Variants in SLCO1A2 observed in about 807,000 individuals in gnomAD.
SLCO1A2 encodes the protein OATP-1.
A neutral mutation model predicts 69.0 loss-of-function variants in SLCO1A2; 67 were observed. The observed-to-expected ratio is 0.97, with a 90% CI of 0.80 to 1.19. SLCO1A2 has a LOEUF of 1.19. Ranked by LOEUF, SLCO1A2 falls within the 50% of genes most tolerant of loss-of-function variation. The pLI is 0.00. For missense variants in SLCO1A2, 787 were observed against 793.7 expected (o/e 0.99, Z 0.10); for synonymous variants, 260 against 265.9 (o/e 0.98, Z 0.22).
At chr12:21,328,686 A>C (rs1251220601) in intron 2 of SLCO1A2, among the ~76,000 whole-genome samples, 1 of 152,088 alleles carries the variant, frequency 6.6e-6, no homozygotes, top group African/African-American at 2.4e-5. Context: ...CTGAACTACC[A>C]TTGGCCTTTG....
chr12:21,338,908 A>T (rs73069056), upstream of SLCO1A2, among the ~76,000 whole-genome samples: 1,329 of 152,096 alleles, frequency 8.7e-3, 7 homozygotes, highest in Middle Eastern at 0.02. Flanking sequence ...AAATTTATGT[A>T]GGGAGGCAGC....
intron 7 of SLCO1A2, 87 bp from the exon 8 acceptor site, chr12:21,300,656 G>C: frequency 9.3e-7 from 1 of 1,071,904 alleles, no homozygotes; most frequent in Non-Finnish European, 1.3e-6. Flanking sequence ...GAATTATCGG[G>C]TCCCAACCAA....
intron 2 of SLCO1A2, among the ~76,000 whole-genome samples, chr12:21,348,069 T>G (rs1398996672): frequency 6.6e-6 from 1 of 152,200 alleles, no homozygotes; most frequent in African/African-American, 2.4e-5. Context: ...TTTTCCATAT[T>G]TTAGCAATAG....
intron 1 of SLCO1A2, among the ~76,000 whole-genome samples, chr12:21,387,854 TAAAATCAGCC>T (rs1272098037): frequency 1.3e-5 from 2 of 152,018 alleles, no homozygotes; most frequent in Non-Finnish European, 2.9e-5. Flanking sequence ...CACCAGCCCA[TAAAATCAGCC>T]AGAAAGAGCA....
chr12:21,336,660 C>A (rs1157373561), upstream of SLCO1A2, among the ~76,000 whole-genome samples: 1 of 151,934 alleles, frequency 6.6e-6, no homozygotes, highest in Non-Finnish European at 1.5e-5. Flanking sequence ...AAATCTATTC[C>A]ATTTATTCAA....
chr12:21,394,247 T>G (rs1205404314), intron 1 of SLCO1A2, among the ~76,000 whole-genome samples: 1 of 152,100 alleles, frequency 6.6e-6, no homozygotes, highest in East Asian at 1.9e-4. Context: ...AGCAACAATA[T>G]GAAATGTTGG....
intron 2 of SLCO1A2, among the ~76,000 whole-genome samples, chr12:21,322,918 C>T (rs7313671): frequency 0.31 from 47,633 of 151,962 alleles, 7,603 homozygotes; most frequent in East Asian, 0.35. Context: ...ACAGCAATGT[C>T]TACCAAATTT....
chr12:21,322,109 A>G, intron 2 of SLCO1A2, among the ~76,000 whole-genome samples: 1 of 152,222 alleles, frequency 6.6e-6, no homozygotes, highest in East Asian at 1.9e-4. Flanking sequence ...ATAAGATTAA[A>G]TATACTGTTT....
intron 12 of SLCO1A2, among the ~76,000 whole-genome samples, chr12:21,290,586 A>AT (rs2136293210): frequency 6.6e-6 from 1 of 152,308 alleles, no homozygotes; most frequent in African/African-American, 2.4e-5. Context: ...ATTTTGGAAA[A>AT]CAACTTTATT....
At chr12:21,316,132 C>A (rs1374340258) in intron 3 of SLCO1A2, among the ~76,000 whole-genome samples, 1 of 152,134 alleles carries the variant, frequency 6.6e-6, no homozygotes, top group Non-Finnish European at 1.5e-5. Context: ...AACATGAAGG[C>A]ATTTGAGTTT....
chr12:21,392,886 A>G (rs1407733413), intron 1 of SLCO1A2, among the ~76,000 whole-genome samples: 2 of 152,184 alleles, frequency 1.3e-5, no homozygotes, highest in South Asian at 2.1e-4. Flanking sequence ...CTGAAAATGT[A>G]TCTTAAGTTT....
rs187736389 is a variant in SLCO1A2, at chr12:21,365,032, A to G, written c.-63+9367T>C. ...AGCTACCAATGACTTTCTTCACAGA[A>G]TTGGAAAAAACTACTTTAAAGTTCA... On this transcript the variant is annotated intron_variant, in intron 2 of 15. Coordinates refer to the SLCO1A2 transcript ENST00000307378. Among the ~76,000 whole-genome samples, 55 of 152,332 alleles carry G rather than the reference A, an allele frequency of 3.6e-4. 1 individual carries two copies. The East Asian group carries it at 8.3e-3, about 23-fold the overall frequency.
chr12:21,413,244 T>C (rs12227390), intron 1 of SLCO1A2, among the ~76,000 whole-genome samples: 4 of 117,064 alleles, frequency 3.4e-5, no homozygotes, highest in African/African-American at 9.5e-5. Context: ...TTTCTTTTTT[T>C]TTTTTTTTTT....
At chr12:21,377,171 T>A (rs1175830893) in intron 1 of SLCO1A2, among the ~76,000 whole-genome samples, 1 of 152,148 alleles carries the variant, frequency 6.6e-6, no homozygotes, top group African/African-American at 2.4e-5. Context: ...TTAATACCAT[T>A]GACATAAAAA....
upstream of SLCO1A2, among the ~76,000 whole-genome samples, chr12:21,338,555 C>A (rs887944779): frequency 3.3e-5 from 5 of 151,936 alleles, no homozygotes; most frequent in Middle Eastern, 3.4e-3. Context: ...GAATTGAGCC[C>A]AGTACTACAC....
Position 21,292,210 on chromosome 12 carries a change from A to C in SLCO1A2, c.1564T>G (p.Phe522Val). The change falls in exon 12 of 15, where the codon TTC becomes GTC. Residue 522 changes from phenylalanine to valine, a missense_variant. Transcript: ENST00000683939. ...GGTATGGCAGCCAAAGAATAAATGA[A>C]ACTGCTCATCGCTGACAAGATTAGG... ...YFLILSAMSSFIYSLAAIPGY... is the reference protein window; with the variant it reads ...YFLILSAMSSVIYSLAAIPGY... The C allele has an allele frequency of 1.9e-6, 3 of 1,610,886 alleles. No individual in the cohort carries two copies. The highest frequency in any genetic ancestry group is 2.5e-6 in the Non-Finnish European group (3 of 1,178,120).
At chr12:21,275,885 T>A (rs575297109) in intron 12 of SLCO1A2, among the ~76,000 whole-genome samples, 2 of 152,020 alleles carry the variant, frequency 1.3e-5, no homozygotes, top group African/African-American at 4.8e-5. Context: ...GAGGTTGCAA[T>A]GAGCTGAAAT....
At chr12:21,403,046 C>G (rs546770311) in intron 1 of SLCO1A2, among the ~76,000 whole-genome samples, 1 of 151,964 alleles carries the variant, frequency 6.6e-6, no homozygotes, top group East Asian at 1.9e-4. Context: ...AGAATTTGAA[C>G]GATGGTTGTG....
At chr12:21,312,207 A>G (rs1296552277) in intron 4 of SLCO1A2, among the ~76,000 whole-genome samples, 3 of 152,250 alleles carry the variant, frequency 2.0e-5, no homozygotes, top group African/African-American at 4.8e-5. Flanking sequence ...CTTCTCCATC[A>G]GCACTTGCTG....
Sources: gnomAD v4.1 joint callset for allele counts (sites outside exome capture counted in the v4.1 genomes callset) on GRCh38, gnomAD v4.1.1 for gene constraint, MANE v1.5 for transcripts, NCBI Gene and HGNC (gene_info 2026-07-23, HGNC 2026-07-21) for gene names.